Variants in FAM153A observed in about 807,000 individuals in gnomAD.
FAM153A encodes the protein protein FAM153A.
A neutral mutation model predicts 48.1 loss-of-function variants in FAM153A; 12 were observed. The observed-to-expected ratio is 0.25, with a 90% CI of 0.16 to 0.40. The LOEUF (loss-of-function observed/expected upper bound fraction) is 0.40, where lower values mean the gene tolerates loss of function less well. Ranked by LOEUF, FAM153A falls within the 10% of genes least tolerant of loss-of-function variation. The probability of loss-of-function intolerance (pLI) is 1.00; values close to 1 mark genes in which losing one functional copy is unlikely to be tolerated. For synonymous variants in FAM153A, 36 were observed against 118.2 expected (o/e 0.30, Z 4.51); for missense variants, 111 against 345.8 (o/e 0.32, Z 5.38).
chr5:177,729,653 T>C (rs1582324392), intron 16 of FAM153A, 98 bp from the exon 19 acceptor site: 1 of 1,595,066 alleles, frequency 6.3e-7, no homozygotes, highest in Non-Finnish European at 8.5e-7. Flanking sequence ...TGTGGAAAGG[T>C]GTGTTCACAG....
exon 27 of FAM153A, chr5:177,712,866 A>G (rs1758714983): frequency 6.6e-6 from 1 of 151,624 alleles, no homozygotes; most frequent in South Asian, 2.1e-4. Context: ...AGACTTTTCC[A>G]GTTCTGTACA....
At chr5:177,706,209 G>GT (rs1757875561), downstream of FAM153A, among the ~76,000 whole-genome samples, 1 of 151,248 alleles carries the variant, frequency 6.6e-6, no homozygotes, top group Non-Finnish European at 1.5e-5. Flanking sequence ...TGTTGTTGTT[G>GT]TTTTTGAGAC....
intron 4 of FAM153A, among the ~76,000 whole-genome samples, chr5:177,746,529 A>G (rs543332461): frequency 1.3e-5 from 2 of 151,628 alleles, no homozygotes; most frequent in Non-Finnish European, 2.9e-5. Flanking sequence ...AAAATATTCT[A>G]CATATTCACT....
chr5:177,708,647 T>C (rs971077707), downstream of FAM153A, among the ~76,000 whole-genome samples: 4 of 152,078 alleles, frequency 2.6e-5, no homozygotes, highest in Middle Eastern at 6.8e-3. Flanking sequence ...CAAATAGCAG[T>C]TGGTGTCTTT....
Position 177,749,120 on chromosome 5 carries a change from C to G in FAM153A, c.176-421G>C, listed in dbSNP as rs1356370460. Among the ~76,000 whole-genome samples, 9 of 146,446 alleles carry G rather than the reference C, an allele frequency of 6.1e-5. No individual in the cohort carries two copies. The East Asian group carries it at 1.7e-3, about 27-fold the overall frequency. On this transcript the variant is annotated intron_variant, in intron 2 of 20. Transcript: ENST00000614127. ...TCATCCATTTAATTGGCTTTAAAAT[C>G]AGTATTGTGGCCAAAATACATCGTA... is the stretch of plus-strand genomic sequence containing the variant.
the FAM153A span, among the ~76,000 whole-genome samples, chr5:177,699,850 C>G: frequency 6.6e-6 from 1 of 151,498 alleles, no homozygotes. Flanking sequence ...CTTCCCAACT[C>G]CTTCTATGAG....
upstream of FAM153A, among the ~76,000 whole-genome samples, chr5:177,755,218 T>C (rs1356653577): frequency 6.6e-6 from 1 of 151,806 alleles, no homozygotes; most frequent in Admixed American, 6.6e-5. Flanking sequence ...TTCGATCAAC[T>C]AGAAGAAAGG....
the FAM153A span, among the ~76,000 whole-genome samples, chr5:177,697,070 A>G: frequency 1.3e-5 from 2 of 151,926 alleles, no homozygotes; most frequent in African/African-American, 4.9e-5. Context: ...TTTCCAATCC[A>G]TAAATATGGA....
chr5:177,716,684 A>G (rs1253370326), intron 24 of FAM153A, among the ~76,000 whole-genome samples: 1 of 151,892 alleles, frequency 6.6e-6, no homozygotes, highest in African/African-American at 2.4e-5. Context: ...TTACTGTGCT[A>G]TAATAGAACA....
intron 1 of FAM153A, among the ~76,000 whole-genome samples, chr5:177,764,388 G>A (rs1205612225): frequency 3.2e-4 from 48 of 151,264 alleles, no homozygotes; most frequent in African/African-American, 1.1e-3. Flanking sequence ...AAGTGAGGGC[G>A]ACTTCGGCTG....
intron 1 of FAM153A, among the ~76,000 whole-genome samples, chr5:177,769,084 A>AT (rs1401532369): frequency 1.4e-5 from 1 of 72,624 alleles, no homozygotes; most frequent in Non-Finnish European, 2.8e-5. Flanking sequence ...AAAAAAAAAA[A>AT]TAGCCGGGCT....
chr5:177,778,345 C>A (rs1582548492), intron 1 of FAM153A, among the ~76,000 whole-genome samples: 1 of 75,330 alleles, frequency 1.3e-5, no homozygotes, highest in Non-Finnish European at 2.6e-5. Flanking sequence ...CTAGTTTTAC[C>A]AGAATAAAAA....
chr5:177,725,484 T>C (rs1169147331), intron 18 of FAM153A, among the ~76,000 whole-genome samples: 1 of 150,960 alleles, frequency 6.6e-6, no homozygotes, highest in Non-Finnish European at 1.5e-5. Flanking sequence ...TTGGAAACAA[T>C]GGAACAGAAT....
At chr5:177,744,765 TC>T in intron 5 of FAM153A, 122 bp downstream of exon 7, 2 of 400,712 alleles carry the variant, frequency 5.0e-6, no homozygotes, top group South Asian at 2.8e-5. Flanking sequence ...CACTTACAAT[TC>T]CCCCCAAGGA....
intron 25 of FAM153A, among the ~76,000 whole-genome samples, chr5:177,715,685 T>A (rs1759576998): frequency 6.6e-6 from 1 of 151,800 alleles, no homozygotes; most frequent in Non-Finnish European, 1.5e-5. Flanking sequence ...GGTCATCTTA[T>A]GGATTAAACA....
intron 1 of FAM153A, among the ~76,000 whole-genome samples, chr5:177,758,609 T>C (rs1767985530): frequency 6.8e-6 from 1 of 146,380 alleles, no homozygotes; most frequent in South Asian, 2.3e-4. Context: ...AACAGCATGG[T>C]ACTGGTTCCA....
At chr5:177,705,942 G>A (rs1215417798), downstream of FAM153A, among the ~76,000 whole-genome samples, 1 of 151,682 alleles carries the variant, frequency 6.6e-6, no homozygotes, top group Non-Finnish European at 1.5e-5. Context: ...ATAGGCGTGA[G>A]CCACCGCGCC....
At chr5:177,710,813 A>G (rs952675166), downstream of FAM153A, among the ~76,000 whole-genome samples, 39 of 144,546 alleles carry the variant, frequency 2.7e-4, no homozygotes, top group African/African-American at 8.8e-4. Flanking sequence ...CAGCCACCAC[A>G]CCTGGCTAAC....
intron 4 of FAM153A, among the ~76,000 whole-genome samples, chr5:177,746,886 G>A (rs1353755894): frequency 1.1e-4 from 17 of 148,198 alleles, no homozygotes; most frequent in East Asian, 2.0e-4. Flanking sequence ...CATTTCTAAC[G>A]TTTGTGGTGA....
Sources: allele counts gnomAD v4.1 joint callset (sites outside exome capture counted in the v4.1 genomes callset), GRCh38; gene constraint gnomAD v4.1.1; transcripts MANE v1.5; gene names NCBI Gene and HGNC (gene_info 2026-07-23, HGNC 2026-07-21).